MRTFA: variants seen among roughly 807,000 people sequenced by gnomAD.
MRTFA encodes the protein myocardin related transcription factor A.
In MRTFA, 20 loss-of-function variants were observed where a neutral mutation model predicts 83.5. That is an observed-to-expected ratio of 0.24 (90% CI 0.17 to 0.35). MRTFA has a LOEUF of 0.35. Ranked by LOEUF, MRTFA falls within the 10% of genes least tolerant of loss-of-function variation. The pLI is 1.00. For missense variants in MRTFA, 1,200 were observed against 1,224.7 expected (o/e 0.98, Z 0.30); for synonymous variants, 659 against 541.2 (o/e 1.22, Z -3.02).
chr22:40,485,923 G>T (rs1360853409), intron 3 of MRTFA, among the ~76,000 whole-genome samples: 3 of 152,198 alleles, frequency 2.0e-5, no homozygotes, highest in Non-Finnish European at 2.9e-5. Flanking sequence ...TACATGAAAT[G>T]CATGTTCTTG....
In MRTFA at chr22:40,524,811, G is replaced by A. The variant is rs561141167; in HGVS notation, c.241+27295C>T. The stretch of plus-strand genomic sequence containing the variant: ...GCTTTATTTATTTTTGTGCGTGTGC[G>A]TGTGTATGTTTTTGAGACAGAGTTT... On this transcript the variant is annotated intron_variant, in intron 3 of 14. Transcript: ENST00000355630. Among the ~76,000 whole-genome samples the A allele has an allele frequency of 3.9e-5, 6 of 152,178 alleles. No individual in the cohort carries two copies. In the South Asian group the frequency reaches 8.3e-4, roughly 21 times the overall value.
intron 1 of MRTFA, among the ~76,000 whole-genome samples, chr22:40,604,990 C>T (rs1272939321): frequency 2.6e-5 from 4 of 152,106 alleles, no homozygotes; most frequent in Non-Finnish European, 4.4e-5. Context: ...GAGGAGTTAC[C>T]ATCTAAGTTA....
At chr22:40,525,644 G>C (rs939359920) in intron 3 of MRTFA, among the ~76,000 whole-genome samples, 1 of 152,114 alleles carries the variant, frequency 6.6e-6, no homozygotes, top group Non-Finnish European at 1.5e-5. Flanking sequence ...AGGACACCTA[G>C]GGGTCCTCAG....
chr22:40,519,708 G>A, intron 3 of MRTFA: 1 of 877,770 alleles, frequency 1.1e-6, no homozygotes, highest in East Asian at 4.9e-5. Context: ...CATGGGTTCT[G>A]AAAAGCACAA....
rs546039907 is a variant in MRTFA, at chr22:40,439,176, T to G, written c.308-3622A>C. ...ACCCTCAACCTAGAGTTCTTTCCAC[T>G]CCTCTGTGTTGATTTCTTAACTTCT... On this transcript the variant is annotated intron_variant, in intron 4 of 14. Coordinates refer to ENST00000355630, the MANE Select transcript of MRTFA (RefSeq NM_020831.6). Among the ~76,000 whole-genome samples, 4 of 152,322 alleles carry G rather than the reference T, an allele frequency of 2.6e-5. No homozygotes were observed. The South Asian group carries it at 8.3e-4, about 32-fold the overall frequency.
chr22:40,432,127 T>A (rs2053080073), intron 5 of MRTFA, among the ~76,000 whole-genome samples: 1 of 152,128 alleles, frequency 6.6e-6, no homozygotes, highest in South Asian at 2.1e-4. Flanking sequence ...GCGCCTGTAA[T>A]CCCAGCTACT....
chr22:40,419,980 T>C (rs913758910), intron 11 of MRTFA, among the ~76,000 whole-genome samples: 1 of 152,088 alleles, frequency 6.6e-6, no homozygotes, highest in Non-Finnish European at 1.5e-5. Context: ...GCGGGCAGGG[T>C]TGCTACTGGA....
intron 1 of MRTFA, among the ~76,000 whole-genome samples, chr22:40,616,239 C>T (rs2056448170): frequency 6.6e-6 from 1 of 152,200 alleles, no homozygotes; most frequent in South Asian, 2.1e-4. Flanking sequence ...ATGTACTCTT[C>T]AATTTGCCAC....
At chr22:40,508,807 C>A (rs1406941936) in intron 3 of MRTFA, among the ~76,000 whole-genome samples, 1 of 145,084 alleles carries the variant, frequency 6.9e-6, no homozygotes, top group African/African-American at 2.6e-5. Flanking sequence ...CACTTGAGCT[C>A]AGGACCAGCC....
intron 2 of MRTFA, among the ~76,000 whole-genome samples, chr22:40,589,206 T>G (rs1045728870): frequency 4.6e-5 from 7 of 152,198 alleles, no homozygotes; most frequent in Non-Finnish European, 4.4e-5. Context: ...GGAATGTCTA[T>G]GATTATTTCC....
chr22:40,416,460 C>T lies in MRTFA; in HGVS notation c.2578+526G>A, dbSNP rs1240475962. 6.6e-6 allele frequency among the ~76,000 whole-genome samples: 1 copy of T among 152,250 alleles called. No homozygotes were observed. The highest frequency in any genetic ancestry group is 2.4e-5 in the African/African-American group (1 of 41,464). ...ACACAATGGAGCCAAAGCCACCCTG[C>T]CCTGGTGCCCAGGAGGCCACGCATG... On this transcript the variant is annotated intron_variant, in intron 14 of 14. Coordinates refer to ENST00000355630, the MANE Select transcript of MRTFA (RefSeq NM_020831.6). This position sits in a 1 kb window ranked among gnomAD's most constrained non-coding sequence, Gnocchi z 4.2.
At chr22:40,470,922 C>G (rs2053899518) in intron 3 of MRTFA, among the ~76,000 whole-genome samples, 1 of 151,668 alleles carries the variant, frequency 6.6e-6, no homozygotes, top group Admixed American at 6.6e-5. Context: ...GCACTCCAGC[C>G]TAGGTGAAAG....
intron 3 of MRTFA, among the ~76,000 whole-genome samples, chr22:40,475,780 G>T (rs889530727): frequency 1.3e-5 from 2 of 152,228 alleles, no homozygotes; most frequent in Admixed American, 1.3e-4. Flanking sequence ...AGATGGTACT[G>T]CCCAACACTG....
chr22:40,573,025 A>T (rs2055818447), intron 2 of MRTFA, among the ~76,000 whole-genome samples: 1 of 152,206 alleles, frequency 6.6e-6, no homozygotes, highest in Non-Finnish European at 1.5e-5. Flanking sequence ...ACAAAAGACC[A>T]CATATTGTAT....
chr22:40,619,286 T>C (rs1206628476), intron 1 of MRTFA, among the ~76,000 whole-genome samples: 1 of 151,232 alleles, frequency 6.6e-6, no homozygotes, highest in East Asian at 1.9e-4. Flanking sequence ...AAAATCTGTG[T>C]TGTTGTATAG....
At chr22:40,418,045 C>T (rs189364635) in intron 12 of MRTFA, among the ~76,000 whole-genome samples, 234 of 152,218 alleles carry the variant, frequency 1.5e-3, no homozygotes, top group African/African-American at 5.4e-3. Context: ...TACCTCTGAC[C>T]TTCACTGGCC....
intron 1 of MRTFA, among the ~76,000 whole-genome samples, chr22:40,613,378 A>C (rs2056409454): frequency 6.6e-6 from 1 of 152,214 alleles, no homozygotes; most frequent in African/African-American, 2.4e-5. Flanking sequence ...TGCTAAATTG[A>C]ATAAGTATAT....
intron 3 of MRTFA, among the ~76,000 whole-genome samples, chr22:40,545,894 C>A (rs921608038): frequency 2.0e-5 from 3 of 147,676 alleles, no homozygotes; most frequent in African/African-American, 7.5e-5. Flanking sequence ...CCATCACGCC[C>A]AGCTAATTTT....
chr22:40,576,419 C>T (rs919757796), intron 2 of MRTFA, among the ~76,000 whole-genome samples: 15 of 152,152 alleles, frequency 9.9e-5, no homozygotes, highest in Non-Finnish European at 1.5e-4. Flanking sequence ...TAGGTGAATG[C>T]TGATAATAAC....
Sources: allele counts gnomAD v4.1 joint callset (sites outside exome capture counted in the v4.1 genomes callset), GRCh38; gene constraint gnomAD v4.1.1; non-coding constraint Gnocchi (gnomAD v3.1); transcripts MANE v1.5; gene names NCBI Gene and HGNC (gene_info 2026-07-23, HGNC 2026-07-21).